Variants in HS1BP3 observed in about 807,000 individuals in gnomAD.
The protein encoded by HS1BP3 is HCLS1 binding protein 3, also known as HCLS1-binding protein 3.
A neutral mutation model predicts 33.5 loss-of-function variants in HS1BP3; 32 were observed. The observed-to-expected ratio is 0.95, with a 90% CI of 0.72 to 1.28. The LOEUF (loss-of-function observed/expected upper bound fraction) is 1.28, where lower values mean the gene tolerates loss of function less well. Among genes scored for constraint, HS1BP3 ranks in the 50% most tolerant of loss-of-function variants. The probability of loss-of-function intolerance (pLI) is 0.00; values close to 1 mark genes in which losing one functional copy is unlikely to be tolerated. For synonymous variants in HS1BP3, 187 were observed against 209.2 expected, an observed-to-expected ratio of 0.89 and a Z score of 0.92; for missense variants, 486 against 502.3, an observed-to-expected ratio of 0.97 and a Z score of 0.31.
chr2:20,603,998 C>T (rs1221844450), intron 2 of HS1BP3, among the ~76,000 whole-genome samples: 1 of 152,222 alleles, frequency 6.6e-6, no homozygotes, highest in Non-Finnish European at 1.5e-5. Context: ...GCCCAGTCCG[C>T]TGCTTCCCAG....
At chr2:20,556,425 CT>C (rs1489143700), downstream of HS1BP3, among the ~76,000 whole-genome samples, 3 of 152,098 alleles carry the variant, frequency 2.0e-5, no homozygotes, top group Admixed American at 2.0e-4. Context: ...AGTTTATGTT[CT>C]GACTTATTTT....
chr2:20,578,537 G>A (rs1033241012), intron 5 of HS1BP3, among the ~76,000 whole-genome samples: 2 of 152,196 alleles, frequency 1.3e-5, no homozygotes, highest in Admixed American at 6.5e-5. Flanking sequence ...CCTATATCCC[G>A]AGGAAAGATG....
chr2:20,566,951 C>T (rs746550620), intron 5 of HS1BP3, among the ~76,000 whole-genome samples: 4 of 151,966 alleles, frequency 2.6e-5, no homozygotes, highest in Admixed American at 6.6e-5. Flanking sequence ...CCTTCACTAC[C>T]CTTCTAGCCC....
intron 2 of HS1BP3, among the ~76,000 whole-genome samples, chr2:20,609,192 G>A (rs1419608884): frequency 6.6e-6 from 1 of 152,154 alleles, no homozygotes; most frequent in Middle Eastern, 3.2e-3. Context: ...GCCGCCAGGC[G>A]CTGCATCAGG....
downstream of HS1BP3, among the ~76,000 whole-genome samples, chr2:20,559,655 GGTGC>G (rs1321552804): frequency 1.2e-4 from 3 of 24,828 alleles, no homozygotes; most frequent in East Asian, 4.2e-3. Flanking sequence ...TGGATGGATG[GGTGC>G]ATGGATGGAT....
intron 2 of HS1BP3, among the ~76,000 whole-genome samples, chr2:20,599,803 T>G (rs889057791): frequency 6.6e-6 from 1 of 152,056 alleles, no homozygotes; most frequent in African/African-American, 2.4e-5. Flanking sequence ...CAGCATCAGG[T>G]CCAGCTCCTG....
intron 4 of HS1BP3, among the ~76,000 whole-genome samples, chr2:20,629,212 G>A (rs1345893842): frequency 6.6e-6 from 1 of 152,164 alleles, no homozygotes; most frequent in Non-Finnish European, 1.5e-5. Context: ...CCTTCTCCTA[G>A]CACAAACACC....
intron 2 of HS1BP3, among the ~76,000 whole-genome samples, chr2:20,601,568 G>A (rs556431175): frequency 6.6e-6 from 1 of 152,162 alleles, no homozygotes; most frequent in African/African-American, 2.4e-5. Context: ...TGCTGTTCTC[G>A]TGGTTGTAAG....
At chr2:20,575,009 G>C (rs1321396914) in intron 5 of HS1BP3, among the ~76,000 whole-genome samples, 1 of 152,226 alleles carries the variant, frequency 6.6e-6, no homozygotes, top group Admixed American at 6.5e-5. Context: ...ACACAGGAGT[G>C]GTTGTTATTA....
At chr2:20,582,755 T>C (rs566622171) in intron 5 of HS1BP3, among the ~76,000 whole-genome samples, 2 of 152,132 alleles carry the variant, frequency 1.3e-5, no homozygotes, top group East Asian at 3.9e-4. Context: ...GGGGCAGACG[T>C]GACCTCAGCT....
At chr2:20,619,349 G>A in intron 6 of HS1BP3, 104 bp from the exon 7 acceptor site, 2 of 1,050,264 alleles carry the variant, frequency 1.9e-6, no homozygotes. Flanking sequence ...GCAGCGGCAG[G>A]GAGCCCAGCC....
chr2:20,575,663 C>T (rs1380698750), intron 5 of HS1BP3, among the ~76,000 whole-genome samples: 3 of 152,230 alleles, frequency 2.0e-5, no homozygotes, highest in Non-Finnish European at 4.4e-5. Context: ...CAGGTTTGTG[C>T]CTCAAGGCCC....
chr2:20,578,823 G>A (rs1378441383), intron 5 of HS1BP3, among the ~76,000 whole-genome samples: 1 of 152,202 alleles, frequency 6.6e-6, no homozygotes, highest in Non-Finnish European at 1.5e-5. Flanking sequence ...CCCTGGGTGT[G>A]TAGCTGTGAC....
chr2:20,631,516 CAAAAAAAAAAAAAAAAAAAAAA>C lies in HS1BP3; in HGVS notation c.624-6646_624-6625del, dbSNP rs529653146. Among the ~76,000 whole-genome samples, 3 of 63,184 alleles carry C rather than the reference CAAAAAAAAAAAAAAAAAAAAAA, an allele frequency of 4.7e-5. No individual in the cohort carries two copies. In the East Asian group the frequency reaches 1.9e-3, roughly 40 times the overall value. The allele number at this position is 63,184 out of a possible 152,430, so 41.5% of individuals were successfully genotyped here. On this transcript the variant is annotated intron_variant, in intron 4 of 6. Coordinates refer to ENST00000304031, the MANE Select transcript of HS1BP3 (RefSeq NM_022460.4). The stretch of plus-strand genomic sequence containing the variant: ...TAGGTAAAAGAGTAAGAACCTGTCT[CAAAAAAAAAAAAAAAAAAAAAA>C]AAAAAAAAAAAAAAAGGGGCCAGCC...
chr2:20,570,192 C>T (rs1169355713), intron 5 of HS1BP3, among the ~76,000 whole-genome samples: 4 of 151,936 alleles, frequency 2.6e-5, no homozygotes, highest in Middle Eastern at 3.2e-3. Flanking sequence ...GTTTTTTTTC[C>T]CCCTTCTTTT....
intron 5 of HS1BP3, among the ~76,000 whole-genome samples, chr2:20,572,231 C>T (rs1162123173): frequency 1.3e-5 from 2 of 152,230 alleles, no homozygotes; most frequent in Non-Finnish European, 2.9e-5. Context: ...TCTGCTCAGG[C>T]TCTTTCCAGG....
At chr2:20,600,807 G>T (rs1445124538) in intron 2 of HS1BP3, among the ~76,000 whole-genome samples, 1 of 151,752 alleles carries the variant, frequency 6.6e-6, no homozygotes, top group Non-Finnish European at 1.5e-5. Context: ...TTCTTCCTTT[G>T]GTTTATCTGT....
chr2:20,571,834 G>A (rs1300604750), intron 5 of HS1BP3, among the ~76,000 whole-genome samples: 2 of 152,232 alleles, frequency 1.3e-5, no homozygotes, highest in Non-Finnish European at 2.9e-5. Flanking sequence ...TATCTCCCCA[G>A]TGCCACTGCC....
intron 4 of HS1BP3, chr2:20,635,660 G>C (rs924954177): frequency 5.3e-5 from 8 of 152,180 alleles, no homozygotes; most frequent in Non-Finnish European, 1.0e-4. Context: ...GGGCGACATG[G>C]AGCAGCAATC....
Sources: allele counts gnomAD v4.1 joint callset (sites outside exome capture counted in the v4.1 genomes callset), GRCh38; gene constraint gnomAD v4.1.1; transcripts MANE v1.5; gene names NCBI Gene and HGNC (gene_info 2026-07-23, HGNC 2026-07-21).